COL11A1: variants seen among roughly 807,000 people sequenced by gnomAD.
COL11A1 encodes the protein collagen alpha-1(XI) chain.
COL11A1 carries 74 observed loss-of-function variants against 265.2 expected under a neutral mutation model. The observed-to-expected ratio is 0.28, with a 90% CI of 0.23 to 0.34. COL11A1 has a LOEUF of 0.34. Ranked by LOEUF, COL11A1 falls within the 10% of genes least tolerant of loss-of-function variation. COL11A1 has a pLI of 1.00. For missense variants in COL11A1, 2,165 were observed against 2,263.6 expected (o/e 0.96, Z 0.88); for synonymous variants, 816 against 727.6 (o/e 1.12, Z -1.96).
chr1:102,910,883 A>T (rs571447651), intron 54 of COL11A1, among the ~76,000 whole-genome samples: 11 of 125,538 alleles, frequency 8.8e-5, no homozygotes, highest in East Asian at 4.0e-4. Flanking sequence ...GAAAAAAGAT[A>T]AAAAAAATGA....
intron 41 of COL11A1, among the ~76,000 whole-genome samples, chr1:102,949,957 A>G (rs935167807): frequency 3.3e-5 from 5 of 152,212 alleles, no homozygotes; most frequent in Admixed American, 6.5e-5. Flanking sequence ...ATCATTCTCC[A>G]TCATTCATTC....
At chr1:102,883,776 A>C (rs903674854) in intron 63 of COL11A1, among the ~76,000 whole-genome samples, 1 of 152,108 alleles carries the variant, frequency 6.6e-6, no homozygotes, top group Admixed American at 6.5e-5. Flanking sequence ...GTATCTACTT[A>C]GCCTCAGAGA....
At chr1:103,086,583 A>AT (rs1397629170) in intron 1 of COL11A1, among the ~76,000 whole-genome samples, 5 of 151,684 alleles carry the variant, frequency 3.3e-5, no homozygotes, top group African/African-American at 4.8e-5. Context: ...CGCCCGGCTA[A>AT]TTTTTTGTAT....
Position 102,893,363 on chromosome 1 carries a change from T to C in COL11A1, c.4303-2859A>G, listed in dbSNP as rs141183157. Among the ~76,000 whole-genome samples, 30 of 152,292 alleles carry C rather than the reference T, an allele frequency of 2.0e-4. No homozygotes were observed. The East Asian group carries it at 4.6e-3, about 23-fold the overall frequency. ...AAGCTAATAATCTCTCTTAACATTA[T>C]AAACTACATCTAAAGATGAGTTTGC... On this transcript the variant is annotated intron_variant, in intron 57 of 66. Transcript: ENST00000370096.
At chr1:102,966,116 A>T (rs1291976530) in intron 37 of COL11A1, among the ~76,000 whole-genome samples, 1 of 152,224 alleles carries the variant, frequency 6.6e-6, no homozygotes, top group Non-Finnish European at 1.5e-5. Flanking sequence ...AGTCATTAAA[A>T]TATCATCTGG....
chr1:103,045,431 A>T (rs1185406124), intron 4 of COL11A1, among the ~76,000 whole-genome samples: 2 of 152,084 alleles, frequency 1.3e-5, no homozygotes, highest in Non-Finnish European at 2.9e-5. Context: ...TCCAAGGAAC[A>T]AGTAATACTG....
intron 4 of COL11A1, among the ~76,000 whole-genome samples, chr1:103,034,734 T>G (rs1668231044): frequency 6.6e-6 from 1 of 151,240 alleles, no homozygotes; most frequent in Non-Finnish European, 1.5e-5. Flanking sequence ...TGCTTTTTAC[T>G]TTGTATGGCA....
At chr1:102,957,654 C>A (rs1660504926) in intron 41 of COL11A1, among the ~76,000 whole-genome samples, 1 of 152,004 alleles carries the variant, frequency 6.6e-6, no homozygotes, top group South Asian at 2.1e-4. Flanking sequence ...ATATTAAAGC[C>A]TAGGTAGTTG....
chr1:103,025,651 A>C (rs79473144), intron 6 of COL11A1, 38 bp from the exon 7 acceptor site: 3 of 1,584,772 alleles, frequency 1.9e-6, no homozygotes, highest in Non-Finnish European at 2.6e-6. Context: ...TAAACATGTA[A>C]GGTGATCCCA....
intron 10 of COL11A1, among the ~76,000 whole-genome samples, chr1:103,018,485 T>C (rs180815028): frequency 2.0e-5 from 3 of 152,264 alleles, no homozygotes; most frequent in Admixed American, 6.5e-5. Flanking sequence ...TACCTAGAAG[T>C]TGAGATTCCA....
At chr1:103,009,858 A>G (rs1335646313) in intron 14 of COL11A1, among the ~76,000 whole-genome samples, 2 of 152,142 alleles carry the variant, frequency 1.3e-5, no homozygotes, top group African/African-American at 2.4e-5. Context: ...CAAGCTTCCA[A>G]TGAAGAATTA....
chr1:102,948,443 AATTATTGGGT>A (rs1358487045), intron 41 of COL11A1, among the ~76,000 whole-genome samples: 1 of 152,090 alleles, frequency 6.6e-6, no homozygotes, highest in African/African-American at 2.4e-5. Context: ...CAATGTTTGT[AATTATTGGGT>A]ATCTTAAAGT....
chr1:102,992,077 G>C (rs1664194958), intron 28 of COL11A1, among the ~76,000 whole-genome samples: 1 of 152,050 alleles, frequency 6.6e-6, no homozygotes, highest in Non-Finnish European at 1.5e-5. Context: ...TCTGACTATA[G>C]ACAGAATTTT....
intron 1 of COL11A1, among the ~76,000 whole-genome samples, chr1:103,092,619 G>C (rs1673416719): frequency 6.6e-6 from 1 of 152,076 alleles, no homozygotes; most frequent in Non-Finnish European, 1.5e-5. Context: ...GCCACCTCCT[G>C]TTGCTATTGT....
intron 36 of COL11A1, among the ~76,000 whole-genome samples, chr1:102,972,889 G>T (rs1211307069): frequency 6.6e-6 from 1 of 151,612 alleles, no homozygotes; most frequent in Non-Finnish European, 1.5e-5. Flanking sequence ...TTTTTAAATG[G>T]ATGGCTGCAT....
At chr1:103,081,508 C>A (rs1302344552) in intron 2 of COL11A1, among the ~76,000 whole-genome samples, 1 of 151,586 alleles carries the variant, frequency 6.6e-6, no homozygotes, top group Non-Finnish European at 1.5e-5. Context: ...AAAAAAAGTT[C>A]ATTTTATTCT....
At chr1:102,923,416 A>T (rs1656213999) in intron 46 of COL11A1, 27 bp from the exon 47 acceptor site, 1 of 1,552,226 alleles carries the variant, frequency 6.4e-7, no homozygotes, top group Non-Finnish European at 8.8e-7. Flanking sequence ...GAAAAATAAT[A>T]AAAGTCACTG....
intron 1 of COL11A1, among the ~76,000 whole-genome samples, chr1:103,103,144 T>A (rs1674418227): frequency 6.6e-6 from 1 of 151,954 alleles, no homozygotes; most frequent in African/African-American, 2.4e-5. Flanking sequence ...TTCTCTCCTA[T>A]TTTTTTCTTC....
At chr1:103,081,663 T>C (rs1464784788) in intron 2 of COL11A1, among the ~76,000 whole-genome samples, 1 of 151,954 alleles carries the variant, frequency 6.6e-6, no homozygotes, top group Non-Finnish European at 1.5e-5. Context: ...TGTTTTGTAA[T>C]GTTTTAATCC....
Sources: allele counts gnomAD v4.1 joint callset (sites outside exome capture counted in the v4.1 genomes callset), GRCh38; gene constraint gnomAD v4.1.1; transcripts MANE v1.5; gene names NCBI Gene and HGNC (gene_info 2026-07-23, HGNC 2026-07-21).